Variants in HSD17B11 observed in about 807,000 individuals in gnomAD.
The protein encoded by HSD17B11 is hydroxysteroid 17-beta dehydrogenase 11, also known as estradiol 17-beta-dehydrogenase 11.
Under a neutral mutation model 27.8 loss-of-function variants are expected in HSD17B11, and 22 were observed. That is an observed-to-expected ratio of 0.79 (90% CI 0.56 to 1.13). HSD17B11 has a LOEUF of 1.13. Among genes scored for constraint, HSD17B11 ranks in the 50% most tolerant of loss-of-function variants. HSD17B11 has a pLI of 0.00. For missense variants in HSD17B11, 314 were observed against 351.1 expected (o/e 0.89, Z 0.84); for synonymous variants, 117 against 132.8 (o/e 0.88, Z 0.82).
intron 4 of HSD17B11, among the ~76,000 whole-genome samples, chr4:87,357,971 TTTTTTTTTG>T (rs1735421315): frequency 7.6e-6 from 1 of 131,526 alleles, no homozygotes; most frequent in Non-Finnish European, 1.6e-5. Context: ...TTTTTTTTTT[TTTTTTTTTG>T]AGACAGAGTC....
In HSD17B11 at chr4:87,357,385, T is replaced by C. The variant is rs1339440989; in HGVS notation, c.589A>G (p.Lys197Glu). 1 of 1,613,598 alleles carries C rather than the reference T, an allele frequency of 6.2e-7. No individual in the cohort carries two copies. The highest frequency in any genetic ancestry group is 1.1e-5 in the South Asian group (1 of 90,850). ...GCAGCCAGTTCATCTGTCAAAGTTTTATGAAATCCAACAGCAGCAAACTTG... is the reference window on the plus strand; with the variant it reads ...GCAGCCAGTTCATCTGTCAAAGTTTCATGAAATCCAACAGCAGCAAACTTG... ...SSKFAAVGFHKTLTDELAALQ... is the reference protein window; with the variant it reads ...SSKFAAVGFHETLTDELAALQ... Residue 197 changes from lysine to glutamate, a missense_variant, in exon 5 of 7, where the codon AAA becomes GAA. By Grantham distance (56) the Lys-to-Glu change is moderately conservative. Transcript: ENST00000358290.
intron 2 of HSD17B11, among the ~76,000 whole-genome samples, chr4:87,377,788 ATAGTGC>A (rs947647832): frequency 2.6e-5 from 4 of 152,206 alleles, no homozygotes; most frequent in African/African-American, 4.8e-5. Flanking sequence ...TTATTTAGAG[ATAGTGC>A]TACAGTGTGT....
rs1255856196 is a variant in HSD17B11 at position 87,370,746 on chromosome 4, ATTATTATTAT to A, written c.557+1953_557+1962del. On this transcript the variant is annotated intron_variant, in intron 4 of 6. Coordinates refer to ENST00000358290, the MANE Select transcript of HSD17B11 (RefSeq NM_016245.5). ...TATTATTATTATTATTATTATTATT[ATTATTATTAT>A]TTTTTTTTTTTTTTGAGACGGAGTC... Among the ~76,000 whole-genome samples the A allele has an allele frequency of 3.4e-3, 18 of 5,368 alleles. 2 individuals carry two copies. The highest frequency in any genetic ancestry group is 0.021 in the Admixed American group (8 of 390). 3.5% of individuals were successfully genotyped at this position (5,368 alleles called of 152,430 possible). A position where few individuals can be genotyped will look rare whatever the true frequency, so the allele number is the denominator to read the frequency against.
chr4:87,368,711 A>G (rs1735653423), intron 4 of HSD17B11, among the ~76,000 whole-genome samples: 1 of 152,226 alleles, frequency 6.6e-6, no homozygotes, highest in South Asian at 2.1e-4. Context: ...ATGATAAAAC[A>G]GGTTACAGTA....
intron 4 of HSD17B11, among the ~76,000 whole-genome samples, chr4:87,363,164 G>A (rs937385987): frequency 6.6e-6 from 1 of 152,090 alleles, no homozygotes; most frequent in Non-Finnish European, 1.5e-5. Flanking sequence ...TGGCCCCCGG[G>A]GAGATGGTGC....
intron 4 of HSD17B11, among the ~76,000 whole-genome samples, chr4:87,372,462 C>T (rs1400830827): frequency 2.0e-5 from 3 of 151,966 alleles, no homozygotes; most frequent in East Asian, 1.9e-4. Flanking sequence ...GTGGTTGGCT[C>T]GTAACTGAAT....
chr4:87,364,682 G>GCA (rs1158393449), intron 4 of HSD17B11, among the ~76,000 whole-genome samples: 2 of 152,352 alleles, frequency 1.3e-5, no homozygotes, highest in East Asian at 3.9e-4. Context: ...GTCGGTAAAA[G>GCA]CACTGCATTG....
chr4:87,362,368 A>G (rs1735533747), intron 4 of HSD17B11, among the ~76,000 whole-genome samples: 1 of 152,172 alleles, frequency 6.6e-6, no homozygotes, highest in Admixed American at 6.5e-5. Context: ...TCTACTAAAA[A>G]TACAAAAATT....
intron 6 of HSD17B11, among the ~76,000 whole-genome samples, 192 bp from the exon 7 acceptor site, chr4:87,337,558 G>C (rs1038359777): frequency 5.3e-5 from 8 of 152,076 alleles, no homozygotes; most frequent in African/African-American, 1.9e-4. Flanking sequence ...TGGAAAAGAA[G>C]GCTTAGCCTT....
At chr4:87,384,305 T>C (rs979303789) in intron 1 of HSD17B11, among the ~76,000 whole-genome samples, 11 of 152,210 alleles carry the variant, frequency 7.2e-5, no homozygotes, top group Admixed American at 7.2e-4. Context: ...ACTGTGATAA[T>C]TGTGTTAACT....
intron 2 of HSD17B11, among the ~76,000 whole-genome samples, chr4:87,378,472 T>C (rs1719964129): frequency 6.6e-6 from 1 of 152,126 alleles, no homozygotes; most frequent in Non-Finnish European, 1.5e-5. Flanking sequence ...ATTTACCCTT[T>C]GTGTTACAAA....
At chr4:87,338,048 T>G (rs1347709886) in intron 6 of HSD17B11, among the ~76,000 whole-genome samples, 1 of 152,160 alleles carries the variant, frequency 6.6e-6, no homozygotes, top group East Asian at 1.9e-4. Flanking sequence ...AAACCCTGTC[T>G]CTACTAAAAA....
At chr4:87,355,374 A>T (rs1735364824) in intron 5 of HSD17B11, among the ~76,000 whole-genome samples, 1 of 152,158 alleles carries the variant, frequency 6.6e-6, no homozygotes, top group African/African-American at 2.4e-5. Context: ...GCTAGAAAAA[A>T]TATGGGTAAA....
At chr4:87,339,241 G>A (rs1414229730) in intron 6 of HSD17B11, among the ~76,000 whole-genome samples, 1 of 152,100 alleles carries the variant, frequency 6.6e-6, no homozygotes, top group Non-Finnish European at 1.5e-5. Flanking sequence ...GCTTTAACTC[G>A]TCTACTCACC....
chr4:87,390,581 A>G (rs1720432766), intron 1 of HSD17B11, among the ~76,000 whole-genome samples: 1 of 152,212 alleles, frequency 6.6e-6, no homozygotes, highest in African/African-American at 2.4e-5. Flanking sequence ...AGAGGGATCA[A>G]TGAAATCAGG....
intron 5 of HSD17B11, among the ~76,000 whole-genome samples, chr4:87,347,116 C>CTTTTTTTTTTTTT (rs70957224): frequency 6.3e-4 from 28 of 44,316 alleles, no homozygotes; most frequent in East Asian, 1.3e-3. Context: ...TTTTTTTTTT[C>CTTTTTTTTTTTTT]TTTTTTTTTT....
chr4:87,380,140 G>A (rs751301837), intron 2 of HSD17B11, among the ~76,000 whole-genome samples: 40 of 144,322 alleles, frequency 2.8e-4, no homozygotes, highest in Non-Finnish European at 4.8e-4. Flanking sequence ...ATACTAAAAT[G>A]ATACTAAAAT....
intron 2 of HSD17B11, among the ~76,000 whole-genome samples, chr4:87,381,052 G>C (rs1180857802): frequency 6.7e-6 from 1 of 148,630 alleles, no homozygotes; most frequent in African/African-American, 2.5e-5. Context: ...CGGCATGATG[G>C]TGCGTGCCTG....
rs748955521 is a variant in HSD17B11, at chr4:87,357,948, A to ATTTTTTTTTTTTTTTTTTTTTTTTTTT, written c.558-533_558-532insAAAAAAAAAAAAAAAAAAAAAAAAAAA. Among the ~76,000 whole-genome samples, 6 of 97,392 alleles carry ATTTTTTTTTTTTTTTTTTTTTTTTTTT rather than the reference A, an allele frequency of 6.2e-5. 1 individual carries two copies. The highest frequency in any genetic ancestry group is 3.1e-4 in the South Asian group (1 of 3,228). 63.9% of individuals were successfully genotyped at this position (97,392 alleles called of 152,430 possible). A position where few individuals can be genotyped will look rare whatever the true frequency, so the allele number is the denominator to read the frequency against. On this transcript the variant is annotated intron_variant, in intron 4 of 6. Coordinates refer to ENST00000358290, the MANE Select transcript of HSD17B11 (RefSeq NM_016245.5). ...TTTGTAACTGAACATTCATTAGAGA[A>ATTTTTTTTTTTTTTTTTTTTTTTTTTT]ATTTTTTTTTTTTTTTTTTTTTTTT...
Sources: allele counts gnomAD v4.1 joint callset (sites outside exome capture counted in the v4.1 genomes callset), GRCh38; gene constraint gnomAD v4.1.1; transcripts MANE v1.5; gene names NCBI Gene and HGNC (gene_info 2026-07-23, HGNC 2026-07-21).